PTPRA: variants seen among roughly 807,000 people sequenced by gnomAD.
The protein encoded by PTPRA is receptor-type tyrosine-protein phosphatase alpha.
Under a neutral mutation model 104.8 loss-of-function variants are expected in PTPRA, and 25 were observed. The observed-to-expected ratio is 0.24, with a 90% confidence interval of 0.17 to 0.33. The LOEUF is 0.33. Among genes scored for constraint, PTPRA ranks in the 10% least tolerant of loss-of-function variants. The pLI is 1.00. For missense variants in PTPRA, 765 were observed against 1,015.3 expected (o/e 0.75, Z 3.35); for synonymous variants, 323 against 368.9 (o/e 0.88, Z 1.43).
intron 1 of PTPRA, among the ~76,000 whole-genome samples, chr20:2,878,937 T>C (rs972465793): frequency 7.9e-5 from 12 of 152,190 alleles, no homozygotes; most frequent in Non-Finnish European, 1.6e-4. Flanking sequence ...GTTGATGAGA[T>C]TGAAATATTG....
At chr20:2,951,662 A>G (rs1437598270) in intron 3 of PTPRA, among the ~76,000 whole-genome samples, 1 of 152,156 alleles carries the variant, frequency 6.6e-6, no homozygotes, top group Non-Finnish European at 1.5e-5. Flanking sequence ...CTGAAACCAC[A>G]TAAAGGCTCT....
rs553032986 is a variant in PTPRA at position 2,939,881 on chromosome 20, C to T, written c.-49-8101C>T. Among the ~76,000 whole-genome samples, 6 of 152,242 alleles carry T rather than the reference C, an allele frequency of 3.9e-5. No individual in the cohort carries two copies. The East Asian group carries it at 7.7e-4, about 20-fold the overall frequency. On this transcript the variant is annotated intron_variant, in intron 2 of 23. Coordinates refer to ENST00000399903, the MANE Select transcript of PTPRA (RefSeq NM_001385305.1). The stretch of plus-strand genomic sequence containing the variant: ...CAGCACTTTGGGAGGCCAAGGCGAG[C>T]GGATCACCTGAGGTGAGGAGTTCGA...
At chr20:2,867,840 T>C in the PTPRA span, among the ~76,000 whole-genome samples, 3 of 152,232 alleles carry the variant, frequency 2.0e-5, no homozygotes, top group African/African-American at 7.2e-5. Flanking sequence ...GGTATTTCTT[T>C]TTTTCCTTTT....
intron 13 of PTPRA, among the ~76,000 whole-genome samples, chr20:3,018,121 A>G (rs1350015747): frequency 6.6e-6 from 1 of 152,248 alleles, no homozygotes; most frequent in East Asian, 1.9e-4. Context: ...TGTATTTGGT[A>G]GTCAAACAAC....
intron 1 of PTPRA, among the ~76,000 whole-genome samples, chr20:2,899,465 G>A (rs1181243023): frequency 6.6e-6 from 1 of 151,872 alleles, no homozygotes. Flanking sequence ...TTTTGTTAAA[G>A]TGCTAGAAAG....
At position 2,979,096 on chromosome 20, in the gene PTPRA, A is replaced by G. The variant is rs138548768; in HGVS notation, c.442+3855A>G. On this transcript the variant is annotated intron_variant, in intron 6 of 23. Transcript: ENST00000399903. ...TGTTCTAAGAGATTATCACACTACTAGTAAGTTAGGATAGTAGGAATTTGA... is the reference window on the plus strand; with the variant it reads ...TGTTCTAAGAGATTATCACACTACTGGTAAGTTAGGATAGTAGGAATTTGA... Among the ~76,000 whole-genome samples, 510 of 152,308 alleles carry G rather than the reference A, an allele frequency of 3.3e-3. 4 individuals carry two copies. Among genetic ancestry groups the G allele is most frequent in the African/African-American group, 0.012 (488 of 41,576 alleles).
intron 6 of PTPRA, among the ~76,000 whole-genome samples, chr20:2,985,110 G>A (rs2062846739): frequency 6.6e-6 from 1 of 152,188 alleles, no homozygotes; most frequent in African/African-American, 2.4e-5. Context: ...TGCAATTGCT[G>A]GCCCACAGAT....
intron 6 of PTPRA, among the ~76,000 whole-genome samples, chr20:2,976,445 A>G (rs1041384243): frequency 2.0e-5 from 3 of 152,190 alleles, no homozygotes; most frequent in Non-Finnish European, 4.4e-5. Flanking sequence ...TGCCCCAGAT[A>G]TCATATCTAT....
chr20:3,019,252 C>T (rs1211804265), intron 13 of PTPRA, among the ~76,000 whole-genome samples: 1 of 150,626 alleles, frequency 6.6e-6, no homozygotes, highest in Non-Finnish European at 1.5e-5. Context: ...GGGCGGGGGG[C>T]TGACCCCCCC....
chr20:2,904,165 G>A (rs1403700443), intron 1 of PTPRA, among the ~76,000 whole-genome samples: 1 of 151,872 alleles, frequency 6.6e-6, no homozygotes, highest in Non-Finnish European at 1.5e-5. Context: ...ATCTTGCTTT[G>A]GCCTTATAAA....
intron 11 of PTPRA, among the ~76,000 whole-genome samples, chr20:3,009,911 C>T (rs1178029): frequency 0.26 from 38,839 of 151,530 alleles, 8,418 homozygotes; most frequent in African/African-American, 0.58. Context: ...TGCACTGGTA[C>T]GATCTTGGCT....
chr20:3,004,758 T>G (rs1469174940), intron 9 of PTPRA, among the ~76,000 whole-genome samples: 5 of 152,242 alleles, frequency 3.3e-5, no homozygotes, highest in Non-Finnish European at 7.3e-5. Context: ...TTTGGCCCAG[T>G]ATCATAACAA....
chr20:2,940,743 A>C (rs2060881717), intron 2 of PTPRA, among the ~76,000 whole-genome samples: 1 of 152,188 alleles, frequency 6.6e-6, no homozygotes, highest in Non-Finnish European at 1.5e-5. Flanking sequence ...TTTTATTAGA[A>C]TATGCCATGT....
Position 2,910,117 on chromosome 20 carries a change from T to C in PTPRA, c.-128-13090T>C, listed in dbSNP as rs867053513. ...TATATAACATATATATAATATATGA[T>C]GTATAGTATATATGATATATAACAT... On this transcript the variant is annotated intron_variant, in intron 1 of 23. Transcript: ENST00000399903. Among the ~76,000 whole-genome samples the C allele has an allele frequency of 7.8e-4, 95 of 121,778 alleles. 1 individual carries two copies. Among genetic ancestry groups the C allele is most frequent in the Middle Eastern group, 6.8e-3 (1 of 146 alleles). 79.9% of individuals were successfully genotyped at this position (121,778 alleles called of 152,430 possible). A position where few individuals can be genotyped will look rare whatever the true frequency, so the allele number is the denominator to read the frequency against.
At chr20:2,865,769 G>A in the PTPRA span, 1 of 516,166 alleles carries the variant, frequency 1.9e-6, no homozygotes, top group Non-Finnish European at 3.5e-6. This position sits in a 1 kb window ranked among gnomAD's most constrained non-coding sequence, Gnocchi z 5.2. Context: ...TGTGCTAGAG[G>A]GAAAGTCTTG....
At chr20:2,971,601 G>A (rs1325336929) in intron 5 of PTPRA, among the ~76,000 whole-genome samples, 1 of 152,200 alleles carries the variant, frequency 6.6e-6, no homozygotes, top group Non-Finnish European at 1.5e-5. Flanking sequence ...GGTAAATGCA[G>A]ACAGCATTCT....
chr20:2,938,211 G>T (rs1388303376), intron 2 of PTPRA, among the ~76,000 whole-genome samples: 1 of 152,076 alleles, frequency 6.6e-6, no homozygotes, highest in African/African-American at 2.4e-5. Flanking sequence ...TTGAGACGGA[G>T]TCTTGCTGTG....
chr20:3,031,319 T>A (rs1246299077), intron 20 of PTPRA, among the ~76,000 whole-genome samples: 5 of 151,666 alleles, frequency 3.3e-5, no homozygotes, highest in Admixed American at 2.6e-4. Context: ...TTTAAGATGC[T>A]ATTATCTAGA....
the PTPRA span, chr20:2,865,397 A>G: frequency 3.1e-6 from 5 of 1,614,098 alleles, no homozygotes; most frequent in Non-Finnish European, 4.2e-6. This position sits in a 1 kb window ranked among gnomAD's most constrained non-coding sequence, Gnocchi z 5.2. Flanking sequence ...GCTTTCCTGC[A>G]GGCTCTGGTG....
Sources: allele counts gnomAD v4.1 joint callset (sites outside exome capture counted in the v4.1 genomes callset), GRCh38; gene constraint gnomAD v4.1.1; non-coding constraint Gnocchi (gnomAD v3.1); transcripts MANE v1.5; gene names NCBI Gene and HGNC (gene_info 2026-07-23, HGNC 2026-07-21).